The following CACNA2D1 variants were observed in gnomAD, a reference collection of about 807,000 sequenced individuals.
CACNA2D1 encodes the protein voltage-dependent calcium channel subunit alpha-2/delta-1.
A neutral mutation model predicts 171.5 loss-of-function variants in CACNA2D1; 53 were observed. The ratio of observed to expected loss-of-function variants is 0.31; its 90% CI spans 0.25 to 0.39. The LOEUF is 0.39. CACNA2D1 is among the 10% of genes least tolerant of loss of function. The pLI, the probability that CACNA2D1 is intolerant of heterozygous loss-of-function variation, is 1.00. For synonymous variants in CACNA2D1, 442 were observed against 443.1 expected (o/e 1.00, Z 0.03); for missense variants, 903 against 1,299.8 (o/e 0.69, Z 4.69).
chr7:82,434,648 G>A (rs752271383), intron 1 of CACNA2D1, among the ~76,000 whole-genome samples: 3 of 152,012 alleles, frequency 2.0e-5, no homozygotes, highest in Non-Finnish European at 4.4e-5. Flanking sequence ...TCCTGTGTTA[G>A]TTTGCTAAGG....
intron 1 of CACNA2D1, among the ~76,000 whole-genome samples, chr7:82,363,208 T>C (rs1444471375): frequency 6.6e-6 from 1 of 151,404 alleles, no homozygotes; most frequent in East Asian, 1.9e-4. Flanking sequence ...GCAGCTGACT[T>C]AGTTATATAT....
At chr7:82,382,797 A>C (rs143431252) in intron 1 of CACNA2D1, among the ~76,000 whole-genome samples, 1 of 152,366 alleles carries the variant, frequency 6.6e-6, no homozygotes, top group East Asian at 1.9e-4. Context: ...ACATGTTCAG[A>C]TATCTAGACA....
chr7:82,010,250 T>G (rs1320613673), intron 15 of CACNA2D1, among the ~76,000 whole-genome samples: 1 of 152,120 alleles, frequency 6.6e-6, no homozygotes, highest in Non-Finnish European at 1.5e-5. Context: ...CCAACATATA[T>G]TTTTAATCTG....
In CACNA2D1 at chr7:81,988,246, T is replaced by G. The variant is rs542521624; in HGVS notation, c.1796+2939A>C. 2.0e-5 allele frequency among the ~76,000 whole-genome samples: 3 copies of G among 152,218 alleles called. No individual in the cohort carries two copies. In the South Asian group the frequency reaches 6.2e-4, roughly 32 times the overall value. ...ACAGACCTTCAAGATTTCCTCTCTTTTTGCACCTTTTGACAAGTTAATCCA... is the reference window on the plus strand; with the variant it reads ...ACAGACCTTCAAGATTTCCTCTCTTGTTGCACCTTTTGACAAGTTAATCCA... On this transcript the variant is annotated intron_variant, in intron 21 of 38. Transcript: ENST00000356860.
At chr7:82,075,018 C>T (rs1808791559) in intron 7 of CACNA2D1, among the ~76,000 whole-genome samples, 1 of 152,024 alleles carries the variant, frequency 6.6e-6, no homozygotes, top group South Asian at 2.1e-4. Flanking sequence ...CCCTAGTCCT[C>T]CATCCCCTGA....
intron 20 of CACNA2D1, among the ~76,000 whole-genome samples, chr7:81,994,238 C>A (rs1485094263): frequency 6.6e-6 from 1 of 152,076 alleles, no homozygotes; most frequent in Non-Finnish European, 1.5e-5. Context: ...TACTCCACAT[C>A]TGACTAATAG....
rs1812362650 is a variant in CACNA2D1 at position 82,099,419 on chromosome 7, CTTCTTTTTTTTTTTTTTTTTTTTTTTTTT to C, written c.527-14548_527-14520del. Among the ~76,000 whole-genome samples the C allele has an allele frequency of 4.9e-4, 25 of 50,578 alleles. 3 individuals carry two copies. The South Asian group carries it at 0.017, about 34-fold the overall frequency. The allele number at this position is 50,578 out of a possible 152,430, so 33.2% of individuals were successfully genotyped here. On this transcript the variant is annotated intron_variant, in intron 6 of 38. Coordinates refer to ENST00000356860, the MANE Select transcript of CACNA2D1 (RefSeq NM_000722.4). Reference sequence around the variant, plus strand: ...CATACTCTAAAACAGGTAGCAATACCTTCTTTTTTTTTTTTTTTTTTTTTTTTTTTTTTTTTTTTTTTTTTTTTGAGACG... The same window carrying C: ...CATACTCTAAAACAGGTAGCAATACCTTTTTTTTTTTTTTTTTTTGAGACG...
chr7:82,119,036 A>G (rs927978481), intron 5 of CACNA2D1, among the ~76,000 whole-genome samples: 1 of 152,100 alleles, frequency 6.6e-6, no homozygotes, highest in Non-Finnish European at 1.5e-5. Flanking sequence ...TAATTGAAAT[A>G]CAGTAAATAT....
chr7:82,189,747 C>T lies in CACNA2D1; in HGVS notation c.295-19138G>A, dbSNP rs149395547. Among the ~76,000 whole-genome samples, 1,075 of 151,674 alleles carry T rather than the reference C, an allele frequency of 7.1e-3. 31 individuals carry two copies. Among genetic ancestry groups the T allele is most frequent in the Admixed American group, 0.06 (916 of 15,218 alleles). On this transcript the variant is annotated intron_variant, in intron 3 of 38. Coordinates refer to ENST00000356860, the MANE Select transcript of CACNA2D1 (RefSeq NM_000722.4). ...AAAGAATACATAAGGGAGAAGAATA[C>T]GGACAAAAAAATTTGTGTAAGAAAA...
rs1023801468 is a variant in CACNA2D1 at position 81,947,866 on chromosome 7, C to T, written c.*2526G>A. On this transcript the variant is annotated 3_prime_UTR_variant, in exon 39 of 39. Transcript: ENST00000356860. The stretch of plus-strand genomic sequence containing the variant: ...ACAACTTTTATTCAGCTTGTTCTTA[C>T]CCAATTTGTAATTGCATTTATGGTT... 6.6e-5 allele frequency: 10 copies of T among 151,756 alleles called. No individual in the cohort carries two copies. Among genetic ancestry groups the T allele is most frequent in the African/African-American group, 2.4e-4 (10 of 41,390 alleles). 9.4% of individuals were successfully genotyped at this position (151,756 alleles called of 1,614,324 possible).
intron 3 of CACNA2D1, 62 bp downstream of exon 3, chr7:82,335,073 G>A: frequency 9.2e-7 from 1 of 1,090,990 alleles, no homozygotes; most frequent in Non-Finnish European, 1.4e-6. Context: ...AATAGAGCAT[G>A]AAAATTAAAT....
intron 3 of CACNA2D1, among the ~76,000 whole-genome samples, chr7:82,303,797 T>A (rs984764573): frequency 6.6e-6 from 1 of 152,160 alleles, no homozygotes; most frequent in Non-Finnish European, 1.5e-5. Context: ...CTTCAGTACA[T>A]TGGTCTAGGC....
At chr7:81,977,604 G>A (rs940253203) in intron 24 of CACNA2D1, among the ~76,000 whole-genome samples, 5 of 152,146 alleles carry the variant, frequency 3.3e-5, no homozygotes, top group Non-Finnish European at 7.3e-5. Context: ...GTGGATTAAA[G>A]ACTTAAATGT....
chr7:82,417,799 T>C (rs937106009), intron 1 of CACNA2D1, among the ~76,000 whole-genome samples: 4 of 152,170 alleles, frequency 2.6e-5, no homozygotes, highest in Non-Finnish European at 4.4e-5. Flanking sequence ...TTTATAAATA[T>C]TGAGTACCTA....
chr7:82,290,685 C>T (rs1409162158), intron 3 of CACNA2D1, among the ~76,000 whole-genome samples: 4 of 151,524 alleles, frequency 2.6e-5, no homozygotes, highest in African/African-American at 4.8e-5. Context: ...CAACCTCTGC[C>T]TCCTAGGTTT....
intron 9 of CACNA2D1, 82 bp from the exon 10 acceptor site, chr7:82,060,609 C>T (rs1416901522): frequency 4.9e-6 from 4 of 816,942 alleles, no homozygotes; most frequent in African/African-American, 1.7e-5. Context: ...AATGTATGCA[C>T]TGACCCTAGA....
chr7:81,991,597 C>G (rs572635753), intron 20 of CACNA2D1, among the ~76,000 whole-genome samples: 1 of 152,274 alleles, frequency 6.6e-6, no homozygotes. Context: ...TAATAGGCAA[C>G]ATCAGGACAT....
intron 3 of CACNA2D1, among the ~76,000 whole-genome samples, chr7:82,319,655 C>G (rs537799565): frequency 6.6e-6 from 1 of 152,228 alleles, no homozygotes; most frequent in South Asian, 2.1e-4. Flanking sequence ...TCTCTAAACC[C>G]TCTTGTAGAA....
chr7:82,245,674 A>ACACACACACACACT (rs1475513878), intron 3 of CACNA2D1, among the ~76,000 whole-genome samples: 2 of 125,648 alleles, frequency 1.6e-5, no homozygotes, highest in African/African-American at 3.2e-5. Context: ...ACACACACAC[A>ACACACACACACACT]CACACACACA....
Sources: gnomAD v4.1 joint callset for allele counts (sites outside exome capture counted in the v4.1 genomes callset) on GRCh38, gnomAD v4.1.1 for gene constraint, MANE v1.5 for transcripts, NCBI Gene and HGNC (gene_info 2026-07-23, HGNC 2026-07-21) for gene names.